Variants in LRRC49 observed in about 807,000 individuals in gnomAD.
LRRC49 encodes leucine rich repeat containing 49, also known as leucine-rich repeat-containing protein 49.
A neutral mutation model predicts 83.3 loss-of-function variants in LRRC49; 50 were observed. The observed-to-expected ratio is 0.60, with a 90% CI of 0.48 to 0.76. The LOEUF (loss-of-function observed/expected upper bound fraction) is 0.76, where lower values mean the gene tolerates loss of function less well. LRRC49 is among the 30% of genes least tolerant of loss of function. LRRC49 has a pLI of 0.00. For missense variants in LRRC49, 704 were observed against 809.1 expected (o/e 0.87, Z 1.58); for synonymous variants, 286 against 283.3 (o/e 1.01, Z -0.10).
At chr15:71,018,463 C>A (rs2141273498) in intron 14 of LRRC49, among the ~76,000 whole-genome samples, 1 of 152,194 alleles carries the variant, frequency 6.6e-6, no homozygotes, top group African/African-American at 2.4e-5. Flanking sequence ...AAATAAAAAC[C>A]TTCATTAAAG....
chr15:70,990,838 C>T (rs1339612430), intron 11 of LRRC49, among the ~76,000 whole-genome samples: 1 of 152,198 alleles, frequency 6.6e-6, no homozygotes, highest in Non-Finnish European at 1.5e-5. Flanking sequence ...AATCACTTCC[C>T]TGCACTATTT....
intron 7 of LRRC49, among the ~76,000 whole-genome samples, chr15:70,933,189 G>T (rs2141152977): frequency 6.6e-6 from 1 of 152,078 alleles, no homozygotes; most frequent in South Asian, 2.1e-4. Context: ...TTTTTTAAAA[G>T]ATTATATTTT....
intron 7 of LRRC49, among the ~76,000 whole-genome samples, chr15:70,927,667 A>G (rs958751467): frequency 6.6e-6 from 1 of 152,112 alleles, no homozygotes; most frequent in Non-Finnish European, 1.5e-5. Context: ...TATTTATTTG[A>G]GACAGAGTTT....
chr15:70,959,646 C>A (rs985307990), intron 8 of LRRC49, among the ~76,000 whole-genome samples: 7 of 151,002 alleles, frequency 4.6e-5, no homozygotes, highest in African/African-American at 1.7e-4. Context: ...TTATAGATAT[C>A]AACAATTGGA....
intron 1 of LRRC49, chr15:70,854,096 G>C: frequency 7.9e-7 from 1 of 1,268,584 alleles, no homozygotes; most frequent in Non-Finnish European, 1.0e-6. Context: ...CATGGCTCGC[G>C]GGACTGCGGC....
At chr15:70,892,438 C>G, upstream of LRRC49, 1 of 1,535,638 alleles carries the variant, frequency 6.5e-7, no homozygotes, top group East Asian at 2.5e-5. Flanking sequence ...CGATCTGGGG[C>G]CCCCAATGGG....
intron 1 of LRRC49, chr15:70,859,581 A>G (rs755237764): frequency 2.0e-5 from 13 of 658,628 alleles, no homozygotes; most frequent in Admixed American, 1.8e-4. Context: ...GAGGAGCTGC[A>G]GACGCTGGCT....
At chr15:71,029,837 T>G (rs1309136293) in intron 14 of LRRC49, among the ~76,000 whole-genome samples, 2 of 152,206 alleles carry the variant, frequency 1.3e-5, no homozygotes, top group Non-Finnish European at 2.9e-5. Flanking sequence ...AGACTAAGAT[T>G]GCAACCCTTG....
intron 15 of LRRC49, among the ~76,000 whole-genome samples, chr15:71,048,078 A>AT (rs760450220): frequency 0.016 from 1,666 of 106,734 alleles, 25 homozygotes; most frequent in East Asian, 0.042. Context: ...ACCGGGCCAA[A>AT]TTTTTTTTTT....
intron 15 of LRRC49, among the ~76,000 whole-genome samples, chr15:71,047,280 A>T (rs2039880717): frequency 6.6e-6 from 1 of 152,130 alleles, no homozygotes; most frequent in Admixed American, 6.5e-5. Flanking sequence ...TTTGGGCAAT[A>T]TGGCCATTTT....
chr15:71,003,175 T>C (rs1227741540), intron 11 of LRRC49, among the ~76,000 whole-genome samples: 1 of 152,026 alleles, frequency 6.6e-6, no homozygotes, highest in Admixed American at 6.6e-5. Context: ...GACCTTGTGA[T>C]CCACCCACCT....
At chr15:70,866,206 G>T (rs2032908049) in intron 1 of LRRC49, among the ~76,000 whole-genome samples, 1 of 152,008 alleles carries the variant, frequency 6.6e-6, no homozygotes, top group African/African-American at 2.4e-5. Flanking sequence ...GGAGTGCAGT[G>T]GTGCGATCTT....
In LRRC49 at chr15:70,945,510, T is replaced by C. The variant is rs185374926; in HGVS notation, c.773+8688T>C. ...AAATCAACAATACATTCTTTCTGTA[T>C]TTAACAACCTGTGTGTGTGTGTGTG... On this transcript the variant is annotated intron_variant, in intron 8 of 15. Coordinates refer to ENST00000260382, the MANE Select transcript of LRRC49 (RefSeq NM_017691.5). Among the ~76,000 whole-genome samples, 380 of 146,724 alleles carry C rather than the reference T, an allele frequency of 2.6e-3. 4 individuals are homozygous for C. Among genetic ancestry groups the C allele is most frequent in the African/African-American group, 9.2e-3 (370 of 40,012 alleles).
At chr15:70,880,432 TGATA>T (rs2033239873) in intron 2 of LRRC49, among the ~76,000 whole-genome samples, 2 of 152,208 alleles carry the variant, frequency 1.3e-5, no homozygotes, top group African/African-American at 4.8e-5. Flanking sequence ...AGTATATGTT[TGATA>T]AATACTTATG....
intron 2 of LRRC49, among the ~76,000 whole-genome samples, chr15:70,885,626 A>G (rs549518465): frequency 3.9e-5 from 6 of 152,332 alleles, no homozygotes; most frequent in Non-Finnish European, 7.4e-5. Flanking sequence ...TGGTGTTGCT[A>G]TATTAGCACT....
rs115731747 is a variant in LRRC49, at chr15:70,930,930, T to C, written c.712-5831T>C. ...CTTTGGCTTAAGAGAATACTGTGGC[T>C]GGTTTGATCTTTCCAGACCATTCAA... On this transcript the variant is annotated intron_variant, in intron 7 of 15. Transcript: ENST00000260382. 1.8e-3 allele frequency among the ~76,000 whole-genome samples: 274 copies of C among 152,374 alleles called. 1 individual carries two copies. The highest frequency in any genetic ancestry group is 6.5e-3 in the African/African-American group (270 of 41,596).
chr15:70,937,010 A>T (rs889578130), intron 8 of LRRC49, among the ~76,000 whole-genome samples, 188 bp downstream of exon 8: 1 of 152,252 alleles, frequency 6.6e-6, no homozygotes, highest in African/African-American at 2.4e-5. Context: ...TAATGCTAAC[A>T]TGATGAAATT....
chr15:71,001,634 T>G (rs368409282), intron 11 of LRRC49, among the ~76,000 whole-genome samples: 1 of 152,204 alleles, frequency 6.6e-6, no homozygotes, highest in East Asian at 1.9e-4. Flanking sequence ...ATTACTTTAC[T>G]ATTCTTCAAT....
intron 14 of LRRC49, among the ~76,000 whole-genome samples, chr15:71,023,186 T>C (rs57653895): frequency 0.011 from 1,643 of 152,138 alleles, 36 homozygotes; most frequent in African/African-American, 0.038. Context: ...ATGGGTATAG[T>C]GGGAAAGAAT....
Sources: allele counts gnomAD v4.1 joint callset (sites outside exome capture counted in the v4.1 genomes callset), GRCh38; gene constraint gnomAD v4.1.1; transcripts MANE v1.5; gene names NCBI Gene and HGNC (gene_info 2026-07-23, HGNC 2026-07-21).